The following KAZN variants were observed in gnomAD, a reference collection of about 807,000 sequenced individuals.
The protein encoded by KAZN is kazrin, periplakin interacting protein, also known as kazrin.
A neutral mutation model predicts 87.4 loss-of-function variants in KAZN; 40 were observed. The ratio of observed to expected loss-of-function variants is 0.46; its 90% CI spans 0.36 to 0.60. KAZN has a LOEUF of 0.60. KAZN is among the 20% of genes least tolerant of loss of function. The probability of loss-of-function intolerance (pLI) is 0.00; values close to 1 mark genes in which losing one functional copy is unlikely to be tolerated. For synonymous variants in KAZN, 466 were observed against 458.3 expected, an observed-to-expected ratio of 1.02 and a Z score of -0.22; for missense variants, 898 against 1,073.9, an observed-to-expected ratio of 0.84 and a Z score of 2.29.
At chr1:14,860,649 C>A (rs529512467) in intron 1 of KAZN, among the ~76,000 whole-genome samples, 2 of 152,124 alleles carry the variant, frequency 1.3e-5, no homozygotes, top group African/African-American at 4.8e-5. Flanking sequence ...GAAAGAAAAT[C>A]GGTATTTTCT....
chr1:14,672,010 A>G (rs1572187727), intron 1 of KAZN, among the ~76,000 whole-genome samples: 1 of 152,208 alleles, frequency 6.6e-6, no homozygotes, highest in Non-Finnish European at 1.5e-5. Context: ...GCCTTTCATT[A>G]CTTTAGAGCT....
At chr1:14,292,474 T>C in intron 2 of KAZN, among the ~76,000 whole-genome samples, 1 of 152,034 alleles carries the variant, frequency 6.6e-6, no homozygotes, top group East Asian at 1.9e-4. Context: ...AGCTGCGAGA[T>C]ATAGGGATAG....
intron 1 of KAZN, among the ~76,000 whole-genome samples, chr1:14,107,494 G>A (rs1379715913): frequency 6.6e-6 from 1 of 152,116 alleles, no homozygotes; most frequent in Non-Finnish European, 1.5e-5. Context: ...TTTATGGGTA[G>A]GAAAGTAGCT....
At chr1:14,351,537 G>A (rs1240002558) in intron 2 of KAZN, among the ~76,000 whole-genome samples, 5 of 152,124 alleles carry the variant, frequency 3.3e-5, no homozygotes, top group Non-Finnish European at 4.4e-5. Flanking sequence ...CCAGCCTGGC[G>A]ACAGAGCTAG....
chr1:14,841,298 G>A (rs1008489639), intron 1 of KAZN, among the ~76,000 whole-genome samples: 7 of 151,342 alleles, frequency 4.6e-5, no homozygotes, highest in South Asian at 2.1e-4. Flanking sequence ...CCAGCTACTC[G>A]GAGAGGCTGA....
intron 1 of KAZN, among the ~76,000 whole-genome samples, chr1:14,155,374 A>G (rs935302292): frequency 6.6e-6 from 1 of 152,192 alleles, no homozygotes; most frequent in African/African-American, 2.4e-5. Context: ...ATCAGTTGTA[A>G]CATCTCCTTT....
intron 2 of KAZN, among the ~76,000 whole-genome samples, chr1:14,410,203 A>G (rs1302891131): frequency 1.3e-5 from 2 of 152,240 alleles, no homozygotes; most frequent in Non-Finnish European, 2.9e-5. Flanking sequence ...TACCGGGTTC[A>G]AACAATTCTT....
intron 1 of KAZN, among the ~76,000 whole-genome samples, chr1:14,928,070 C>G (rs754261965): frequency 3.3e-5 from 5 of 152,154 alleles, no homozygotes; most frequent in Admixed American, 6.5e-5. Context: ...CAAAGCCACA[C>G]AGCCAGTGGA....
chr1:15,018,401 T>TG (rs1414862030), intron 2 of KAZN, among the ~76,000 whole-genome samples: 1 of 151,810 alleles, frequency 6.6e-6, no homozygotes, highest in African/African-American at 2.4e-5. Flanking sequence ...GGGCCCTGGC[T>TG]GGGGGTTGGT....
chr1:14,295,665 C>A (rs571436097), intron 2 of KAZN, among the ~76,000 whole-genome samples: 12 of 152,264 alleles, frequency 7.9e-5, no homozygotes, highest in African/African-American at 2.2e-4. Flanking sequence ...GGGAAAGACA[C>A]ACAAACCCAT....
At chr1:14,239,395 A>G (rs1363322405) in intron 2 of KAZN, among the ~76,000 whole-genome samples, 4 of 151,736 alleles carry the variant, frequency 2.6e-5, no homozygotes, top group Admixed American at 2.0e-4. Flanking sequence ...AGAGGAAACT[A>G]AAGAGTTTGA....
intron 1 of KAZN, among the ~76,000 whole-genome samples, chr1:14,143,259 G>A (rs1486053394): frequency 2.0e-5 from 3 of 152,038 alleles, no homozygotes; most frequent in African/African-American, 7.2e-5. Context: ...GTATACCTAG[G>A]CATACTTTTT....
intron 14 of KAZN, chr1:15,113,529 AAC>A (rs1641731557): frequency 6.6e-6 from 1 of 152,252 alleles, no homozygotes; most frequent in South Asian, 2.1e-4. Flanking sequence ...TGACTACTTT[AAC>A]ACAGAGATGT....
chr1:15,068,967 T>G (rs1433959495), intron 8 of KAZN, among the ~76,000 whole-genome samples: 1 of 151,800 alleles, frequency 6.6e-6, no homozygotes, highest in Non-Finnish European at 1.5e-5. Flanking sequence ...AGGAAAGCCC[T>G]GGGTGACAAG....
intron 1 of KAZN, among the ~76,000 whole-genome samples, chr1:13,989,597 C>T (rs1469098111): frequency 6.6e-6 from 1 of 152,038 alleles, no homozygotes; most frequent in Non-Finnish European, 1.5e-5. Flanking sequence ...TTTATATATG[C>T]ATTTGTTCAG....
At chr1:14,503,151 G>C (rs61771914) in intron 2 of KAZN, among the ~76,000 whole-genome samples, 33,038 of 151,800 alleles carry the variant, frequency 0.22, 4,475 homozygotes, top group South Asian at 0.43. Flanking sequence ...CTAGGAAATG[G>C]GTCAATAGCA....
intron 1 of KAZN, among the ~76,000 whole-genome samples, chr1:14,842,770 A>G (rs961849240): frequency 6.6e-6 from 1 of 152,210 alleles, no homozygotes; most frequent in Non-Finnish European, 1.5e-5. Context: ...TACTTTTATT[A>G]AAGTAATACA....
chr1:14,917,694 A>G (rs1483080189), intron 1 of KAZN, among the ~76,000 whole-genome samples: 1 of 152,056 alleles, frequency 6.6e-6, no homozygotes, highest in Non-Finnish European at 1.5e-5. Flanking sequence ...CACGCTAGTG[A>G]TTTGCATCCT....
chr1:14,086,746 T>C (rs1336756798), intron 1 of KAZN, among the ~76,000 whole-genome samples: 2 of 152,198 alleles, frequency 1.3e-5, no homozygotes, highest in Non-Finnish European at 2.9e-5. Flanking sequence ...TTGTACATAG[T>C]ATGAGGGAAG....
Sources: allele counts gnomAD v4.1 joint callset (sites outside exome capture counted in the v4.1 genomes callset), GRCh38; gene constraint gnomAD v4.1.1; transcripts MANE v1.5; gene names NCBI Gene and HGNC (gene_info 2026-07-23, HGNC 2026-07-21).